Variants in DYNC1I2 observed in about 807,000 individuals in gnomAD.
The protein encoded by DYNC1I2 is cytoplasmic dynein 1 intermediate chain 2.
A neutral mutation model predicts 88.6 loss-of-function variants in DYNC1I2; 53 were observed. That is an observed-to-expected ratio of 0.60 (90% CI 0.48 to 0.75). The LOEUF is 0.75. Ranked by LOEUF, DYNC1I2 falls within the 30% of genes least tolerant of loss-of-function variation. The pLI is 0.00. For missense variants in DYNC1I2, 458 were observed against 766.6 expected, an observed-to-expected ratio of 0.60 and a Z score of 4.75; for synonymous variants, 198 against 254.6, an observed-to-expected ratio of 0.78 and a Z score of 2.12.
chr2:171,711,888 G>A (rs1687149487), intron 5 of DYNC1I2, among the ~76,000 whole-genome samples: 1 of 151,990 alleles, frequency 6.6e-6, no homozygotes, highest in African/African-American at 2.4e-5. Flanking sequence ...TATTTAGTGG[G>A]GACTATGAGC....
intron 3 of DYNC1I2, among the ~76,000 whole-genome samples, chr2:171,701,292 C>G (rs1177269156): frequency 6.6e-6 from 1 of 152,150 alleles, no homozygotes; most frequent in Non-Finnish European, 1.5e-5. Context: ...GCCTCAGCCA[C>G]CTGAGTAGCT....
intron 7 of DYNC1I2, among the ~76,000 whole-genome samples, chr2:171,718,991 T>C (rs2105631845): frequency 6.6e-6 from 1 of 152,344 alleles, no homozygotes; most frequent in South Asian, 2.1e-4. Flanking sequence ...GCCACTGAAG[T>C]AGCAACTCAT....
Position 171,690,169 on chromosome 2 carries a change from G to A in DYNC1I2, c.14G>A (p.Ser5Asn), listed in dbSNP as rs1207928218. ...AAGGTCACAAACATGTCAGACAAAA[G>A]TGAATTAAAGGCTGAGTTGGAACGT... MSDKSELKAELERKK... is the reference protein window; with the variant it reads MSDKNELKAELERKK... The change falls in exon 2 of 18, where the codon AGT (serine) becomes AAT (asparagine). Residue 5 changes from serine (S) to asparagine (N), a missense_variant. By Grantham distance (46) the Ser-to-Asn change is conservative (BLOSUM62 1). Around this residue, in one of 5 missense-constraint regions of DYNC1I2, gnomAD observed 10 missense variants for 34.1 expected, o/e 0.29. Transcript: ENST00000397119. 6.4e-7 allele frequency: 1 copy of A among 1,552,768 alleles called. No homozygotes were observed. The highest frequency in any genetic ancestry group is 8.7e-7 in the Non-Finnish European group (1 of 1,148,942).
intron 3 of DYNC1I2, among the ~76,000 whole-genome samples, chr2:171,700,833 G>A (rs902748609): frequency 2.6e-5 from 4 of 151,848 alleles, no homozygotes; most frequent in Non-Finnish European, 4.4e-5. Flanking sequence ...GGGTTTCACC[G>A]TGTTAGCCAG....
chr2:171,730,003 C>T, intron 15 of DYNC1I2, 150 bp downstream of exon 15: 2 of 857,460 alleles, frequency 2.3e-6, no homozygotes, highest in Admixed American at 2.7e-5. Context: ...CATGAGTGAA[C>T]TACTAGATGT....
chr2:171,704,442 T>C (rs1244496598), intron 3 of DYNC1I2, among the ~76,000 whole-genome samples: 1 of 152,040 alleles, frequency 6.6e-6, no homozygotes, highest in Non-Finnish European at 1.5e-5. Flanking sequence ...TATTCACCTA[T>C]GTTTATATTA....
intron 3 of DYNC1I2, among the ~76,000 whole-genome samples, chr2:171,696,706 C>T (rs1400616334): frequency 3.9e-5 from 6 of 152,080 alleles, no homozygotes; most frequent in South Asian, 4.1e-4. Context: ...CACTGAAGTC[C>T]GATGCCAACT....
intron 15 of DYNC1I2, among the ~76,000 whole-genome samples, chr2:171,742,699 C>T (rs576258151): frequency 6.6e-6 from 1 of 152,300 alleles, no homozygotes; most frequent in South Asian, 2.1e-4. Context: ...TTAAAGCTGT[C>T]TCTTCTCTGG....
rs768277554 is a variant in DYNC1I2, at chr2:171,719,929, CA to C, written c.511+4487del. 2.6e-5 allele frequency among the ~76,000 whole-genome samples: 4 copies of C among 152,070 alleles called. No homozygotes were observed. In the East Asian group the frequency reaches 7.7e-4, roughly 29 times the overall value. On this transcript the variant is annotated intron_variant, in intron 7 of 17. Transcript: ENST00000397119. ...CTTCTCTTGGCAAGAATGTGGTGCCCACAGATACACTCCTGGAAAAGTTACT... is the reference window on the plus strand; with the variant it reads ...CTTCTCTTGGCAAGAATGTGGTGCCCCAGATACACTCCTGGAAAAGTTACT...
chr2:171,740,921 G>A (rs1689377785), intron 15 of DYNC1I2, among the ~76,000 whole-genome samples: 1 of 152,008 alleles, frequency 6.6e-6, no homozygotes, highest in Admixed American at 6.5e-5. Flanking sequence ...TCAAATTTTA[G>A]AAAGAAAAAT....
intron 7 of DYNC1I2, among the ~76,000 whole-genome samples, chr2:171,720,256 C>T (rs1184439750): frequency 6.6e-6 from 1 of 152,132 alleles, no homozygotes; most frequent in African/African-American, 2.4e-5. Flanking sequence ...ACTTTCTTAT[C>T]TGTGAAGGAG....
At position 171,748,360 on chromosome 2, in the gene DYNC1I2, T is replaced by A. The variant is rs1348300767; in HGVS notation, c.*471T>A. The A allele has an allele frequency of 1.3e-5, 2 of 152,332 alleles. No homozygotes were observed. Among genetic ancestry groups the A allele is most frequent in the Admixed American group, 6.5e-5 (1 of 15,272 alleles). 9.4% of individuals were successfully genotyped at this position (152,332 alleles called of 1,614,324 possible). A position where few individuals can be genotyped will look rare whatever the true frequency, so the allele number is the denominator to read the frequency against. The stretch of plus-strand genomic sequence containing the variant: ...ATGTTCATTCTGACATCCTTTGTTG[T>A]CTTTATAATTCATGTGGTAGTTACC... On this transcript the variant is annotated 3_prime_UTR_variant, in exon 18 of 18. Transcript: ENST00000397119.
At chr2:171,708,651 A>G (rs1179663137) in intron 5 of DYNC1I2, among the ~76,000 whole-genome samples, 1 of 151,874 alleles carries the variant, frequency 6.6e-6, no homozygotes, top group African/African-American at 2.4e-5. Context: ...ATTTTTTTTC[A>G]TATTTTGTGC....
At chr2:171,726,348 A>C in intron 10 of DYNC1I2, 55 bp downstream of exon 10, 1 of 1,215,792 alleles carries the variant, frequency 8.2e-7, no homozygotes, top group Non-Finnish European at 1.1e-6. Flanking sequence ...TATAATTAGC[A>C]GGTCATTTTA....
intron 15 of DYNC1I2, among the ~76,000 whole-genome samples, chr2:171,736,919 G>A (rs1189512345): frequency 6.6e-6 from 1 of 152,040 alleles, no homozygotes; most frequent in East Asian, 1.9e-4. Context: ...TATTAATCTA[G>A]AACTCCCCGC....
In DYNC1I2 at chr2:171,707,620, C is replaced by A. The variant is rs576436668; in HGVS notation, c.335+243C>A. On this transcript the variant is annotated intron_variant, in intron 5 of 17. Transcript: ENST00000397119. Reference sequence around the variant, plus strand: ...TACTAAATAGTCAACCGGTTTTATGCTAATTATTTTATATTAAAAATAGAG... The same window carrying A: ...TACTAAATAGTCAACCGGTTTTATGATAATTATTTTATATTAAAAATAGAG... Among the ~76,000 whole-genome samples, 60 of 151,980 alleles carry A rather than the reference C, an allele frequency of 3.9e-4. 1 individual carries two copies. The South Asian group carries it at 0.012, about 29-fold the overall frequency.
intron 15 of DYNC1I2, among the ~76,000 whole-genome samples, chr2:171,732,870 CTTTTAT>C (rs1688719349): frequency 6.6e-6 from 1 of 151,942 alleles, no homozygotes; most frequent in Non-Finnish European, 1.5e-5. Context: ...TTTTTTAAAA[CTTTTAT>C]TTTACATTCG....
intron 6 of DYNC1I2, among the ~76,000 whole-genome samples, chr2:171,713,482 T>C (rs1226140451): frequency 6.6e-6 from 1 of 151,776 alleles, no homozygotes; most frequent in African/African-American, 2.4e-5. Flanking sequence ...GTTAGAAAAC[T>C]AATGCTTTAT....
At chr2:171,746,324 T>C (rs992518880) in intron 17 of DYNC1I2, among the ~76,000 whole-genome samples, 7 of 152,196 alleles carry the variant, frequency 4.6e-5, no homozygotes, top group African/African-American at 1.4e-4. Context: ...TAGTATCTTT[T>C]GAGAACCATC....
Sources: gnomAD v4.1 joint callset for allele counts (sites outside exome capture counted in the v4.1 genomes callset) on GRCh38, gnomAD v4.1.1 for gene constraint, gnomAD v4.1.1 regional missense constraint, MANE v1.5 for transcripts, NCBI Gene and HGNC (gene_info 2026-07-23, HGNC 2026-07-21) for gene names.